The following PARD3 variants were observed in gnomAD, a reference collection of about 807,000 sequenced individuals.
The protein encoded by PARD3 is par-3 family cell polarity regulator.
A neutral mutation model predicts 155.4 loss-of-function variants in PARD3; 75 were observed. That is an observed-to-expected ratio of 0.48 (90% CI 0.40 to 0.58). PARD3 has a LOEUF of 0.58. PARD3 is among the 20% of genes least tolerant of loss of function. PARD3 has a pLI of 0.00. For synonymous variants in PARD3, 576 were observed against 610.5 expected, an observed-to-expected ratio of 0.94 and a Z score of 0.83; for missense variants, 1,642 against 1,721.7, an observed-to-expected ratio of 0.95 and a Z score of 0.82.
chr10:34,454,951 C>T (rs536606482), intron 4 of PARD3, among the ~76,000 whole-genome samples: 2 of 152,116 alleles, frequency 1.3e-5, no homozygotes, highest in Admixed American at 1.3e-4. Context: ...AAGCTTATTA[C>T]AATTCAGGAA....
At chr10:34,541,905 C>T (rs893566565) in intron 2 of PARD3, among the ~76,000 whole-genome samples, 6 of 151,976 alleles carry the variant, frequency 3.9e-5, no homozygotes, top group African/African-American at 1.5e-4. Context: ...GGGACAGGGT[C>T]TCACTCTGTG....
intron 2 of PARD3, among the ~76,000 whole-genome samples, chr10:34,583,039 G>A (rs1354661727): frequency 6.6e-6 from 1 of 152,160 alleles, no homozygotes; most frequent in Non-Finnish European, 1.5e-5. Context: ...ACTGCCAACT[G>A]CTTGACTTCT....
rs1409842337 is a variant in PARD3, at chr10:34,531,752, T to G, written c.223-14593A>C. Among the ~76,000 whole-genome samples, 3 of 152,200 alleles carry G rather than the reference T, an allele frequency of 2.0e-5. No homozygotes were observed. The East Asian group carries it at 5.8e-4, about 29-fold the overall frequency. On this transcript the variant is annotated intron_variant, in intron 2 of 24. Transcript: ENST00000374788. Reference sequence around the variant, plus strand: ...CTCTTTGTTCTAATGTCATGACTTTTCTCTCCTTTTTTGGGAGCATTTCCA... The same window carrying G: ...CTCTTTGTTCTAATGTCATGACTTTGCTCTCCTTTTTTGGGAGCATTTCCA...
chr10:34,146,406 T>C (rs916961483), intron 22 of PARD3, among the ~76,000 whole-genome samples: 3 of 152,218 alleles, frequency 2.0e-5, no homozygotes, highest in Non-Finnish European at 4.4e-5. Flanking sequence ...AATTTCTGTA[T>C]TACTTTTTTA....
intron 5 of PARD3, among the ~76,000 whole-genome samples, chr10:34,441,416 A>C (rs1299966238): frequency 6.6e-6 from 1 of 152,184 alleles, no homozygotes; most frequent in African/African-American, 2.4e-5. Context: ...ATGAAAATGA[A>C]GTTTGCATAG....
chr10:34,455,141 T>C (rs1211105075), intron 4 of PARD3, among the ~76,000 whole-genome samples: 1 of 152,200 alleles, frequency 6.6e-6, no homozygotes, highest in Non-Finnish European at 1.5e-5. Flanking sequence ...ATAGAAGTCA[T>C]AAACATTTCT....
intron 2 of PARD3, among the ~76,000 whole-genome samples, chr10:34,533,131 T>C (rs2082972271): frequency 1.3e-5 from 2 of 152,236 alleles, no homozygotes; most frequent in Admixed American, 1.3e-4. Flanking sequence ...GGGACCATCA[T>C]CCTATATGCA....
chr10:34,397,316 A>G lies in PARD3; in HGVS notation c.890+2014T>C, dbSNP rs576537805. Among the ~76,000 whole-genome samples, 18 of 152,318 alleles carry G rather than the reference A, an allele frequency of 1.2e-4. No individual in the cohort carries two copies. In the South Asian group the frequency reaches 1.9e-3, roughly 16 times the overall value. On this transcript the variant is annotated intron_variant, in intron 7 of 24. Transcript: ENST00000374788. ...ACAAAGAAGCTTAACCATGCAACACAGGTATTGGGGAATCACAAACTATTT... is the reference window on the plus strand; with the variant it reads ...ACAAAGAAGCTTAACCATGCAACACGGGTATTGGGGAATCACAAACTATTT...
At chr10:34,735,750 T>C (rs777470183) in intron 1 of PARD3, among the ~76,000 whole-genome samples, 3 of 152,234 alleles carry the variant, frequency 2.0e-5, no homozygotes, top group Non-Finnish European at 4.4e-5. Context: ...TTATTTTTTA[T>C]TCCTTTTAAA....
chr10:34,439,534 T>C (rs1389087866), intron 5 of PARD3, among the ~76,000 whole-genome samples: 3 of 152,180 alleles, frequency 2.0e-5, no homozygotes, highest in Admixed American at 2.0e-4. Flanking sequence ...CTTGGCTTAC[T>C]GCAACCTCTG....
chr10:34,510,175 A>G (rs967099936), intron 3 of PARD3, among the ~76,000 whole-genome samples: 5 of 152,316 alleles, frequency 3.3e-5, no homozygotes, highest in Middle Eastern at 3.4e-3. Context: ...GAGAAAGCCA[A>G]ATATGAAATT....
At chr10:34,638,749 T>C (rs2092569478) in intron 2 of PARD3, among the ~76,000 whole-genome samples, 2 of 152,224 alleles carry the variant, frequency 1.3e-5, no homozygotes, top group Non-Finnish European at 2.9e-5. Context: ...ATCCTTAATA[T>C]AGTCCCTTCA....
intron 1 of PARD3, among the ~76,000 whole-genome samples, chr10:34,799,729 A>T (rs1287396095): frequency 6.6e-6 from 1 of 152,164 alleles, no homozygotes; most frequent in Non-Finnish European, 1.5e-5. Context: ...GGTGGCTGAC[A>T]CTTGCAATCC....
Position 34,661,406 on chromosome 10 carries a change from T to C in PARD3, c.222+34912A>G, listed in dbSNP as rs117589209. ...TTTATACAGTGCAAATGTCAAACTT[T>C]TGTATTGATCATGCCTGATTAGGGT... is the stretch of plus-strand genomic sequence containing the variant. On this transcript the variant is annotated intron_variant, in intron 2 of 24. Transcript: ENST00000374788. Among the ~76,000 whole-genome samples, 455 of 152,324 alleles carry C rather than the reference T, an allele frequency of 3.0e-3. 2 individuals carry two copies. Among genetic ancestry groups the C allele is most frequent in the Non-Finnish European group, 2.9e-3 (195 of 68,022 alleles).
At chr10:34,211,291 C>T (rs1049631750) in intron 22 of PARD3, among the ~76,000 whole-genome samples, 7 of 152,166 alleles carry the variant, frequency 4.6e-5, no homozygotes, top group Admixed American at 4.6e-4. Context: ...CGTGTGACCC[C>T]AAGCCCTGGT....
intron 2 of PARD3, among the ~76,000 whole-genome samples, chr10:34,664,757 A>T (rs1032386801): frequency 2.0e-5 from 3 of 152,192 alleles, no homozygotes; most frequent in Non-Finnish European, 4.4e-5. Context: ...AAGTGCTGAG[A>T]TTACAGACCT....
In PARD3 at chr10:34,564,695, C is replaced by T. The variant is rs149068663; in HGVS notation, c.223-47536G>A. On this transcript the variant is annotated intron_variant, in intron 2 of 24. Transcript: ENST00000374788. ...TTTTGTGATTATGCAACATACAGAT[C>T]CTTTATTGTTTAAATCTCTTTCGGA... Among the ~76,000 whole-genome samples, 438 of 152,274 alleles carry T rather than the reference C, an allele frequency of 2.9e-3. 1 individual carries two copies. Among genetic ancestry groups the T allele is most frequent in the African/African-American group, 9.6e-3 (399 of 41,566 alleles).
At chr10:34,722,620 T>C (rs2094626446) in intron 1 of PARD3, among the ~76,000 whole-genome samples, 1 of 152,164 alleles carries the variant, frequency 6.6e-6, no homozygotes, top group Non-Finnish European at 1.5e-5. Context: ...GGCCTCACAC[T>C]TCCTGCGCAC....
intron 2 of PARD3, among the ~76,000 whole-genome samples, chr10:34,685,661 T>G (rs2093944242): frequency 6.6e-6 from 1 of 151,036 alleles, no homozygotes; most frequent in African/African-American, 2.4e-5. Flanking sequence ...TGGGGCAATC[T>G]CGGCTCACTA....
Sources: allele counts gnomAD v4.1 joint callset (sites outside exome capture counted in the v4.1 genomes callset), GRCh38; gene constraint gnomAD v4.1.1; transcripts MANE v1.5; gene names NCBI Gene and HGNC (gene_info 2026-07-23, HGNC 2026-07-21).